The following MOB3B variants were observed in gnomAD, a reference collection of about 807,000 sequenced individuals.
The protein encoded by MOB3B is MOB kinase activator-like 2B.
MOB3B carries 7 observed loss-of-function variants against 18.7 expected under a neutral mutation model. That is an observed-to-expected ratio of 0.37 (90% CI 0.21 to 0.70). The LOEUF (loss-of-function observed/expected upper bound fraction) is 0.70, where lower values mean the gene tolerates loss of function less well. Ranked by LOEUF, MOB3B falls within the 30% of genes least tolerant of loss-of-function variation. MOB3B has a pLI of 0.52. For synonymous variants in MOB3B, 111 were observed against 99.9 expected (o/e 1.11, Z -0.66); for missense variants, 253 against 281.3 (o/e 0.90, Z 0.72).
At chr9:27,482,142 G>A (rs190062805) in intron 1 of MOB3B, among the ~76,000 whole-genome samples, 1 of 152,270 alleles carries the variant, frequency 6.6e-6, no homozygotes, top group East Asian at 1.9e-4. Context: ...GAATGGAAGC[G>A]AAGGCTTATG....
At chr9:27,426,203 T>C (rs1822326850) in intron 2 of MOB3B, among the ~76,000 whole-genome samples, 1 of 152,238 alleles carries the variant, frequency 6.6e-6, no homozygotes, top group South Asian at 2.1e-4. Context: ...CTATCCTGTG[T>C]TGATACCAGA....
At chr9:27,526,555 G>A (rs1309189440) in intron 1 of MOB3B, 1 of 152,206 alleles carries the variant, frequency 6.6e-6, no homozygotes, top group African/African-American at 2.4e-5. Context: ...CCTGCCAAGT[G>A]TTTGCTATCC....
intron 1 of MOB3B, among the ~76,000 whole-genome samples, chr9:27,521,668 G>C (rs62538060): frequency 3.7e-4 from 57 of 152,084 alleles, no homozygotes; most frequent in Non-Finnish European, 6.9e-4. Flanking sequence ...GGCCCTCAGA[G>C]AGGCTTTGCA....
In MOB3B at chr9:27,326,347, C is replaced by A. The variant is rs149089542; in HGVS notation, c.*4240G>T. On this transcript the variant is annotated 3_prime_UTR_variant, in exon 4 of 4. Coordinates refer to ENST00000262244, the MANE Select transcript of MOB3B (RefSeq NM_024761.5). Reference sequence around the variant, plus strand: ...GAGGCTGAAGCACAACTGGTAATAGCCTTCAGATATTTAATGGATATGCAA... The same window carrying A: ...GAGGCTGAAGCACAACTGGTAATAGACTTCAGATATTTAATGGATATGCAA... 2 of 396,976 alleles carry A rather than the reference C, an allele frequency of 5.0e-6. No individual in the cohort carries two copies. The highest frequency in any genetic ancestry group is 2.1e-5 in the African/African-American group (1 of 48,684). 24.6% of individuals were successfully genotyped at this position (396,976 alleles called of 1,614,324 possible). A position where few individuals can be genotyped will look rare whatever the true frequency, so the allele number is the denominator to read the frequency against.
rs111599465 is a variant in MOB3B, at chr9:27,335,878, CA to C, written c.622-5263del. On this transcript the variant is annotated intron_variant, in intron 3 of 3. Transcript: ENST00000262244. ...TTTATCACATTCCTGGTTTCAGCAC[CA>C]GGCTGCTCTTGAAGAGAGAAAACCT... 2.1e-3 allele frequency among the ~76,000 whole-genome samples: 319 copies of C among 152,308 alleles called. 1 individual carries two copies. The highest frequency in any genetic ancestry group is 7.1e-3 in the African/African-American group (294 of 41,578).
intron 3 of MOB3B, among the ~76,000 whole-genome samples, chr9:27,340,171 C>T (rs554640245): frequency 4.6e-5 from 7 of 152,328 alleles, no homozygotes; most frequent in East Asian, 3.9e-4. Flanking sequence ...ATTACTGACA[C>T]GGAGGGCGTT....
At chr9:27,476,742 T>G (rs1178933684) in intron 1 of MOB3B, among the ~76,000 whole-genome samples, 1 of 152,194 alleles carries the variant, frequency 6.6e-6, no homozygotes, top group African/African-American at 2.4e-5. Flanking sequence ...ACATCCAACT[T>G]ACAAGGAGTA....
chr9:27,524,355 A>G (rs948358924), intron 1 of MOB3B: 10 of 1,612,522 alleles, frequency 6.2e-6, no homozygotes, highest in Non-Finnish European at 8.5e-6. Flanking sequence ...CAAACCTGAT[A>G]TGATTCAAAA....
intron 1 of MOB3B, among the ~76,000 whole-genome samples, chr9:27,480,280 G>A (rs1819628332): frequency 6.6e-6 from 1 of 150,772 alleles, no homozygotes; most frequent in South Asian, 2.1e-4. Context: ...GGGACTACAG[G>A]CACATGCCAC....
chr9:27,362,398 C>G (rs1361737802), intron 2 of MOB3B, among the ~76,000 whole-genome samples: 3 of 152,112 alleles, frequency 2.0e-5, no homozygotes, highest in African/African-American at 7.2e-5. Flanking sequence ...CACAAATTTA[C>G]TTTGTAGTGT....
Position 27,511,464 on chromosome 9 carries a change from C to T in MOB3B, c.-199+18091G>A, listed in dbSNP as rs532600592. Among the ~76,000 whole-genome samples, 15 of 152,254 alleles carry T rather than the reference C, an allele frequency of 9.9e-5. No homozygotes were observed. In the South Asian group the frequency reaches 3.1e-3, roughly 32 times the overall value. On this transcript the variant is annotated intron_variant, in intron 1 of 3. Coordinates refer to ENST00000262244, the MANE Select transcript of MOB3B (RefSeq NM_024761.5). ...CACTGTGCTCAATGCATGCTTCATG[C>T]CCAGTTCAGCATCAGCTGCGGATGT...
At chr9:27,490,479 G>T (rs1315839977) in intron 1 of MOB3B, among the ~76,000 whole-genome samples, 1 of 152,252 alleles carries the variant, frequency 6.6e-6, no homozygotes, top group East Asian at 1.9e-4. Context: ...TCCCACAGGA[G>T]ATGAGATTTG....
At chr9:27,336,829 A>G (rs1453368520) in intron 3 of MOB3B, among the ~76,000 whole-genome samples, 1 of 152,106 alleles carries the variant, frequency 6.6e-6, no homozygotes, top group Non-Finnish European at 1.5e-5. Flanking sequence ...AAAGTAGGAG[A>G]GATTCATCTC....
At chr9:27,389,942 G>C (rs539927160) in intron 2 of MOB3B, among the ~76,000 whole-genome samples, 1 of 151,570 alleles carries the variant, frequency 6.6e-6, no homozygotes, top group African/African-American at 2.4e-5. Context: ...CTAAGCATCT[G>C]CTAAAAAAAT....
At chr9:27,456,746 T>A (rs1005991926) in intron 1 of MOB3B, among the ~76,000 whole-genome samples, 1 of 152,232 alleles carries the variant, frequency 6.6e-6, no homozygotes, top group African/African-American at 2.4e-5. Context: ...TCCGTGATAA[T>A]GCAAATGTGT....
chr9:27,455,803 T>C, intron 1 of MOB3B, 55 bp from the exon 2 acceptor site: 2 of 1,373,930 alleles, frequency 1.5e-6, no homozygotes, highest in South Asian at 3.1e-5. Context: ...CTTTAAAAAA[T>C]GACAGTCTTC....
chr9:27,383,505 T>C (rs918141549), intron 2 of MOB3B, among the ~76,000 whole-genome samples: 1 of 152,134 alleles, frequency 6.6e-6, no homozygotes, highest in Non-Finnish European at 1.5e-5. Flanking sequence ...GAAGGTTACA[T>C]GAGAGAGGGC....
At chr9:27,470,984 G>GA (rs1487914366) in intron 1 of MOB3B, among the ~76,000 whole-genome samples, 1 of 152,038 alleles carries the variant, frequency 6.6e-6, no homozygotes, top group African/African-American at 2.4e-5. Context: ...GCTGCTGAAG[G>GA]AAAAAATACA....
At chr9:27,352,502 C>A (rs1821120150) in intron 3 of MOB3B, among the ~76,000 whole-genome samples, 1 of 152,102 alleles carries the variant, frequency 6.6e-6, no homozygotes, top group African/African-American at 2.4e-5. Flanking sequence ...GTGCGTCATG[C>A]ACATGGTAAG....
Sources: allele counts gnomAD v4.1 joint callset (sites outside exome capture counted in the v4.1 genomes callset), GRCh38; gene constraint gnomAD v4.1.1; transcripts MANE v1.5; gene names NCBI Gene and HGNC (gene_info 2026-07-23, HGNC 2026-07-21).